The following LRMDA variants were observed in gnomAD, a reference collection of about 807,000 sequenced individuals.
LRMDA encodes leucine rich melanocyte differentiation associated, also known as leucine-rich melanocyte differentiation-associated protein.
In LRMDA, 18 loss-of-function variants were observed where a neutral mutation model predicts 29.8. The observed-to-expected ratio is 0.60, with a 90% CI of 0.42 to 0.90. The LOEUF (loss-of-function observed/expected upper bound fraction) is 0.90. LRMDA is among the 40% of genes least tolerant of loss of function. LRMDA has a pLI of 0.00. For missense variants in LRMDA, 273 were observed against 273.9 expected, an observed-to-expected ratio of 1.00 and a Z score of 0.02; for synonymous variants, 125 against 109.4, an observed-to-expected ratio of 1.14 and a Z score of -0.89.
chr10:75,821,798 A>ACAAAC (rs1554827930), intron 2 of LRMDA, among the ~76,000 whole-genome samples: 1 of 150,184 alleles, frequency 6.7e-6, no homozygotes, highest in African/African-American at 2.4e-5. Context: ...AAACAAACAA[A>ACAAAC]AAAAACCCTT....
At chr10:75,959,223 T>C (rs1846719167) in intron 2 of LRMDA, among the ~76,000 whole-genome samples, 2 of 152,180 alleles carry the variant, frequency 1.3e-5, no homozygotes, top group Admixed American at 1.3e-4. Flanking sequence ...CCAGTCTTCA[T>C]GGAGGAGCTG....
chr10:76,140,296 T>G (rs1898108), intron 5 of LRMDA, among the ~76,000 whole-genome samples: 82,602 of 151,908 alleles, frequency 0.54, 22,659 homozygotes, highest in East Asian at 0.61. Flanking sequence ...GCTGACTGCA[T>G]CACCAGAGAC....
At chr10:75,500,384 T>A (rs1206955046) in intron 2 of LRMDA, among the ~76,000 whole-genome samples, 1 of 152,232 alleles carries the variant, frequency 6.6e-6, no homozygotes, top group Non-Finnish European at 1.5e-5. Flanking sequence ...TTATTATCTC[T>A]GCTCTACAGA....
At chr10:75,981,226 T>G (rs548825725) in intron 2 of LRMDA, among the ~76,000 whole-genome samples, 136 of 152,230 alleles carry the variant, frequency 8.9e-4, no homozygotes, top group Admixed American at 2.0e-3. Flanking sequence ...GCTGGTTTGC[T>G]TTTTAGACAT....
intron 2 of LRMDA, among the ~76,000 whole-genome samples, chr10:75,626,892 G>C (rs547916752): frequency 3.5e-4 from 53 of 152,166 alleles, no homozygotes; most frequent in Non-Finnish European, 6.3e-4. Flanking sequence ...GCCCCATCTT[G>C]GGTGGACATT....
intron 5 of LRMDA, among the ~76,000 whole-genome samples, chr10:76,186,474 G>T (rs1236408243): frequency 2.0e-5 from 3 of 152,194 alleles, no homozygotes; most frequent in Non-Finnish European, 4.4e-5. Flanking sequence ...TAGAAGGAAG[G>T]CCTAAAAAAT....
intron 2 of LRMDA, among the ~76,000 whole-genome samples, chr10:75,511,228 G>A (rs536066734): frequency 9.2e-5 from 14 of 152,098 alleles, no homozygotes; most frequent in South Asian, 4.2e-4. Flanking sequence ...CCACCTACTC[G>A]CGAGGCTGAG....
At chr10:76,205,010 C>T (rs1286146114) in intron 5 of LRMDA, among the ~76,000 whole-genome samples, 1 of 152,140 alleles carries the variant, frequency 6.6e-6, no homozygotes, top group Non-Finnish European at 1.5e-5. Context: ...GAGGGCCCCA[C>T]ATAATAAGTA....
chr10:76,297,140 T>G (rs1363580195), intron 5 of LRMDA, among the ~76,000 whole-genome samples: 2 of 152,246 alleles, frequency 1.3e-5, no homozygotes, highest in Non-Finnish European at 2.9e-5. Context: ...AATCCCAGTT[T>G]ATGTTGCAAT....
rs1007731166 is a variant in LRMDA, at chr10:76,336,792, C to T, written c.601+12307C>T. On this transcript the variant is annotated intron_variant, in intron 6 of 6. Transcript: ENST00000611255. ...TTATTCCTTTATTTATCTTGCTATA[C>T]CTCATCAGTTTATCCTAAATCAAGG... Among the ~76,000 whole-genome samples, 11 of 152,142 alleles carry T rather than the reference C, an allele frequency of 7.2e-5. No homozygotes were observed. In the East Asian group the frequency reaches 1.3e-3, roughly 19 times the overall value.
chr10:76,054,160 G>T (rs564676258), intron 4 of LRMDA, among the ~76,000 whole-genome samples: 58 of 152,316 alleles, frequency 3.8e-4, no homozygotes, highest in African/African-American at 1.3e-3. Flanking sequence ...GTAAGTAAAT[G>T]AAAGAAGACA....
chr10:75,688,905 A>C (rs1169236316), intron 2 of LRMDA, among the ~76,000 whole-genome samples: 4 of 152,240 alleles, frequency 2.6e-5, no homozygotes, highest in Admixed American at 2.6e-4. Flanking sequence ...CATTTTTAGC[A>C]ATAAAGTATT....
intron 6 of LRMDA, among the ~76,000 whole-genome samples, chr10:76,400,391 G>A (rs1841835753): frequency 6.6e-6 from 1 of 152,206 alleles, no homozygotes; most frequent in Non-Finnish European, 1.5e-5. Flanking sequence ...CCCACAGAAA[G>A]TGTGAGACAA....
chr10:75,937,616 A>G (rs1846319747), intron 2 of LRMDA, among the ~76,000 whole-genome samples: 1 of 152,214 alleles, frequency 6.6e-6, no homozygotes, highest in Non-Finnish European at 1.5e-5. Context: ...CCTTTAAACC[A>G]TAGAAATGAA....
intron 2 of LRMDA, among the ~76,000 whole-genome samples, chr10:75,831,511 G>A (rs1218510492): frequency 6.6e-6 from 1 of 152,172 alleles, no homozygotes; most frequent in African/African-American, 2.4e-5. Context: ...GGATGGCATC[G>A]AGTGTCTGCA....
chr10:76,017,131 G>C (rs1847891744), intron 2 of LRMDA, among the ~76,000 whole-genome samples: 1 of 152,378 alleles, frequency 6.6e-6, no homozygotes, highest in Admixed American at 6.5e-5. Flanking sequence ...TGGTGTCCTT[G>C]TAAAAAGAAT....
intron 2 of LRMDA, among the ~76,000 whole-genome samples, chr10:75,538,320 T>C (rs910921962): frequency 6.6e-6 from 1 of 152,196 alleles, no homozygotes; most frequent in Non-Finnish European, 1.5e-5. Flanking sequence ...GCCGAGTCCC[T>C]GCAGCAGTAC....
chr10:76,540,674 A>T (rs1843344123), intron 6 of LRMDA, among the ~76,000 whole-genome samples: 1 of 152,218 alleles, frequency 6.6e-6, no homozygotes, highest in South Asian at 2.1e-4. Flanking sequence ...AAATAGCAGG[A>T]TTCACTAAAC....
chr10:75,984,225 G>GC (rs1329743519), intron 2 of LRMDA, among the ~76,000 whole-genome samples: 1 of 148,096 alleles, frequency 6.8e-6, no homozygotes, highest in African/African-American at 2.7e-5. Context: ...GGAGAAAGCT[G>GC]CCCTGGGTCC....
Sources: gnomAD v4.1 joint callset for allele counts (sites outside exome capture counted in the v4.1 genomes callset) on GRCh38, gnomAD v4.1.1 for gene constraint, MANE v1.5 for transcripts, NCBI Gene and HGNC (gene_info 2026-07-23, HGNC 2026-07-21) for gene names.